FARP2: variants seen among roughly 807,000 people sequenced by gnomAD.
FARP2 encodes the protein FERM, ARH/RhoGEF and pleckstrin domain protein 2.
In FARP2, 111 loss-of-function variants were observed where a neutral mutation model predicts 130.5. The observed-to-expected ratio is 0.85, with a 90% CI of 0.73 to 1.00. FARP2 has a LOEUF of 1.00. Ranked by LOEUF, FARP2 falls within the 50% of genes least tolerant of loss-of-function variation. The probability of loss-of-function intolerance (pLI) is 0.00; values close to 1 mark genes in which losing one functional copy is unlikely to be tolerated. For missense variants in FARP2, 1,385 were observed against 1,346.3 expected, an observed-to-expected ratio of 1.03 and a Z score of -0.45; for synonymous variants, 504 against 516.9, an observed-to-expected ratio of 0.98 and a Z score of 0.34.
chr2:241,454,637 A>G (rs2063783477), intron 13 of FARP2, among the ~76,000 whole-genome samples: 1 of 152,242 alleles, frequency 6.6e-6, no homozygotes, highest in Non-Finnish European at 1.5e-5. Context: ...TTCAGAAGTG[A>G]CAAAGACCAA....
intron 24 of FARP2, chr2:241,492,690 T>G: frequency 2.1e-6 from 1 of 465,950 alleles, no homozygotes. Context: ...AACACTGACT[T>G]TATTGTGCAC....
Position 241,361,028 on chromosome 2 carries a change from G to GAA in FARP2, c.-25+4653_-25+4654dup, listed in dbSNP as rs55678832. On this transcript the variant is annotated intron_variant, in intron 1 of 26. Transcript: ENST00000264042. ...GTTTCGCACAATTCCATTCAAAAAA[G>GAA]AAAAAAAAAAAAAACACACATCTTA... is the stretch of plus-strand genomic sequence containing the variant. Among the ~76,000 whole-genome samples the GAA allele has an allele frequency of 3.9e-4, 49 of 124,630 alleles. No individual in the cohort carries two copies. In the East Asian group the frequency reaches 0.01, roughly 26 times the overall value. 81.8% of individuals were successfully genotyped at this position (124,630 alleles called of 152,430 possible). A position where few individuals can be genotyped will look rare whatever the true frequency, so the allele number is the denominator to read the frequency against.
chr2:241,451,038 G>T (rs1484255063), intron 13 of FARP2, among the ~76,000 whole-genome samples: 1 of 152,152 alleles, frequency 6.6e-6, no homozygotes, highest in East Asian at 1.9e-4. Context: ...CTGCAGCCTT[G>T]ACTTCCCAGG....
At chr2:241,427,968 G>A (rs926175494) in intron 8 of FARP2, among the ~76,000 whole-genome samples, 6 of 152,040 alleles carry the variant, frequency 3.9e-5, no homozygotes, top group East Asian at 3.9e-4. Context: ...GGGTTTCACT[G>A]TGTTAGCCAG....
intron 11 of FARP2, among the ~76,000 whole-genome samples, chr2:241,435,791 G>A (rs1300575354): frequency 6.6e-6 from 1 of 151,564 alleles, no homozygotes. Flanking sequence ...GATTACAGGT[G>A]TGAGCCACTG....
intron 1 of FARP2, among the ~76,000 whole-genome samples, chr2:241,359,357 C>G (rs1223879217): frequency 2.0e-5 from 3 of 152,202 alleles, no homozygotes; most frequent in African/African-American, 7.2e-5. Flanking sequence ...GCCCATCCTC[C>G]TGATTGCTTC....
chr2:241,361,804 G>C (rs952739298), intron 1 of FARP2, among the ~76,000 whole-genome samples: 1 of 152,150 alleles, frequency 6.6e-6, no homozygotes, highest in South Asian at 2.1e-4. Context: ...GAATGTGTTT[G>C]TGAAGGAGGA....
chr2:241,379,567 C>T (rs1575475772), intron 2 of FARP2, among the ~76,000 whole-genome samples: 1 of 152,132 alleles, frequency 6.6e-6, no homozygotes. Context: ...TTCTCAGTCA[C>T]GAAGTTCTGT....
chr2:241,441,446 T>C lies in FARP2; in HGVS notation c.1301T>C (p.Val434Ala), dbSNP rs773700661. 6 of 1,614,108 alleles carry C rather than the reference T, an allele frequency of 3.7e-6. No homozygotes were observed. Among genetic ancestry groups the C allele is most frequent in the Middle Eastern group, 1.6e-4 (1 of 6,062 alleles). Reference protein sequence around the residue: ...DSSSSLTDPQVSYVKSPAAER... With the variant: ...DSSSSLTDPQASYVKSPAAER... ...AGCAGCTCCCTCACAGATCCCCAGG[T>C]TTCCTACGTCAAGAGTCCAGCTGCA... The change falls in exon 13 of 27, where the codon GTT (valine) becomes GCT (alanine). Residue 434 changes from valine (V) to alanine (A), a missense_variant. Physicochemically the swap from Val to Ala is moderately conservative, Grantham distance 64. Transcript: ENST00000264042.
At chr2:241,450,006 C>CAAAA (rs1244240579) in intron 13 of FARP2, among the ~76,000 whole-genome samples, 10 of 115,194 alleles carry the variant, frequency 8.7e-5, no homozygotes, top group Non-Finnish European at 1.5e-4. Flanking sequence ...GACTCCATCT[C>CAAAA]AAAAAAAAAA....
chr2:241,367,586 G>T (rs1199827053), intron 1 of FARP2, among the ~76,000 whole-genome samples: 1 of 152,122 alleles, frequency 6.6e-6, no homozygotes, highest in Non-Finnish European at 1.5e-5. Flanking sequence ...CATATTAGAT[G>T]AGTGTAGTGA....
chr2:241,467,301 A>G (rs967993114), intron 17 of FARP2, among the ~76,000 whole-genome samples: 17 of 152,136 alleles, frequency 1.1e-4, no homozygotes, highest in Non-Finnish European at 2.2e-4. Flanking sequence ...TTAGTTTAAT[A>G]TGTCTGTGTA....
chr2:241,485,301 C>CCCTGGGATCTTCCCTT, intron 21 of FARP2, among the ~76,000 whole-genome samples: 4 of 150,948 alleles, frequency 2.6e-5, no homozygotes, highest in African/African-American at 4.9e-5. Flanking sequence ...CTCCCTCCCT[C>CCCTGGGATCTTCCCTT]CCTGGGATCT....
At chr2:241,405,173 A>G (rs1003570166) in intron 4 of FARP2, 4 of 199,862 alleles carry the variant, frequency 2.0e-5, no homozygotes, top group Non-Finnish European at 4.2e-5. Context: ...TTTTAATAAA[A>G]TAGTTGATAC....
At position 241,443,607 on chromosome 2, in the gene FARP2, A is replaced by G. The variant is rs545315352; in HGVS notation, c.1411+2051A>G. The G allele has an allele frequency of 3.9e-5, 6 of 152,422 alleles. No individual in the cohort carries two copies. In the East Asian group the frequency reaches 9.7e-4, roughly 25 times the overall value. The allele number at this position is 152,422 out of a possible 1,614,324, so 9.4% of individuals were successfully genotyped here. On this transcript the variant is annotated intron_variant, in intron 13 of 26. Transcript: ENST00000264042. The stretch of plus-strand genomic sequence containing the variant: ...GGAGAGCTTCTCAGTCTAAACCACC[A>G]TAAAAGTCAAGGCTGATGTTTGTGG...
intron 13 of FARP2, chr2:241,445,580 CTGCTTTG>C (rs1319937231): frequency 5.3e-5 from 8 of 152,266 alleles, no homozygotes. Flanking sequence ...GCTTTTGTTT[CTGCTTTG>C]TGCTTTGTGG....
chr2:241,476,130 TGG>T (rs1482749163), intron 19 of FARP2, 143 bp downstream of exon 19: 4 of 672,912 alleles, frequency 5.9e-6, no homozygotes, highest in Non-Finnish European at 9.6e-6. Context: ...CTGAATACTT[TGG>T]GAGGCTGAGG....
chr2:241,449,590 A>G (rs1436024423), intron 13 of FARP2, among the ~76,000 whole-genome samples: 1 of 152,246 alleles, frequency 6.6e-6, no homozygotes. Context: ...TCTTGAAGGG[A>G]AAAGTGAAGG....
intron 12 of FARP2, among the ~76,000 whole-genome samples, chr2:241,437,210 A>G (rs1166388436): frequency 6.6e-6 from 1 of 152,252 alleles, no homozygotes; most frequent in Non-Finnish European, 1.5e-5. Context: ...GAAAAGCAGG[A>G]AACAAATTTG....
Sources: gnomAD v4.1 joint callset for allele counts (sites outside exome capture counted in the v4.1 genomes callset) on GRCh38, gnomAD v4.1.1 for gene constraint, MANE v1.5 for transcripts, NCBI Gene and HGNC (gene_info 2026-07-23, HGNC 2026-07-21) for gene names.